Variants in DENND4C observed in about 807,000 individuals in gnomAD.
The protein encoded by DENND4C is DENN domain containing 4C.
DENND4C carries 108 observed loss-of-function variants against 203.0 expected under a neutral mutation model. The observed-to-expected ratio is 0.53, with a 90% CI of 0.46 to 0.62. DENND4C has a LOEUF of 0.62. Ranked by LOEUF, DENND4C falls within the 20% of genes least tolerant of loss-of-function variation. The pLI is 0.00. For synonymous variants in DENND4C, 871 were observed against 792.4 expected, an observed-to-expected ratio of 1.10 and a Z score of -1.67; for missense variants, 2,481 against 2,301.2, an observed-to-expected ratio of 1.08 and a Z score of -1.60.
In DENND4C at chr9:19,336,672, G is replaced by T. The variant is rs1166129845; in HGVS notation, c.2735-14G>T. 13 of 1,549,884 alleles carry T rather than the reference G, an allele frequency of 8.4e-6. No individual in the cohort carries two copies. In the South Asian group the frequency reaches 1.4e-4, roughly 17 times the overall value. On this transcript the variant is annotated splice_polypyrimidine_tract_variant and intron_variant, in intron 19 of 32. Transcript: ENST00000434457. ...ATGCATGAGTTATTGAACTGCTATT[G>T]TCCTTATCTTTAGCTCTTCAAAATG...
Position 19,346,869 on chromosome 9 carries a change from C to T in DENND4C, c.4100C>T (p.Thr1367Ile), listed in dbSNP as rs1823026300. The T allele has an allele frequency of 5.0e-6, 8 of 1,614,084 alleles. No homozygotes were observed. The South Asian group carries it at 8.8e-5, about 18-fold the overall frequency. The change falls in exon 23 of 33, where the codon ACT (threonine) becomes ATT (isoleucine). Residue 1367 changes from threonine to isoleucine, a missense_variant. Transcript: ENST00000434457. ...TTCAAGCAGCAAACCCCCTCTCGAA[C>T]TCATAAAGAACGTTCAACTTCTTTG... ...GRFKQQTPSR[T>I]HKERSTSLSA...
chr9:19,240,383 G>A (rs960315713), intron 1 of DENND4C, among the ~76,000 whole-genome samples: 4 of 152,122 alleles, frequency 2.6e-5, no homozygotes, highest in Non-Finnish European at 5.9e-5. Context: ...TAAAAGGGCC[G>A]GGAACCAGGC....
chr9:19,346,682 C>A lies in DENND4C; in HGVS notation c.3913C>A (p.His1305Asn), dbSNP rs746856185. 6.2e-7 allele frequency: 1 copy of A among 1,614,132 alleles called. No homozygotes were observed. Among genetic ancestry groups the A allele is most frequent in the Non-Finnish European group, 8.5e-7 (1 of 1,180,026 alleles). ...TAGTAAATCTTCTAGTATGGAATTA[C>A]ACAGAGAGGAAAACAGAGAGTCTGG... ...LGSKSSSMEL[H>N]REENRESGMT... The change falls in exon 23 of 33, where the codon CAC becomes AAC. Residue 1305 changes from histidine to asparagine, a missense_variant. Coordinates refer to ENST00000434457, the MANE Select transcript of DENND4C (RefSeq NM_001330640.2).
intron 1 of DENND4C, among the ~76,000 whole-genome samples, chr9:19,263,256 G>A (rs1829784787): frequency 6.6e-6 from 1 of 152,102 alleles, no homozygotes. Context: ...TTGTTTATTT[G>A]GAACTATCCT....
At chr9:19,231,404 T>G (rs1040049431) in intron 1 of DENND4C, among the ~76,000 whole-genome samples, 9 of 151,992 alleles carry the variant, frequency 5.9e-5, no homozygotes, top group Admixed American at 3.3e-4. Flanking sequence ...CCTCAGGGCT[T>G]CTTTGTCGGG....
intron 17 of DENND4C, among the ~76,000 whole-genome samples, chr9:19,332,863 G>C (rs1819579853): frequency 6.7e-6 from 1 of 149,430 alleles, no homozygotes; most frequent in Non-Finnish European, 1.5e-5. Context: ...GCCTCCCAAA[G>C]TGCAGGGATT....
At chr9:19,245,583 G>A (rs1287893325) in intron 1 of DENND4C, among the ~76,000 whole-genome samples, 8 of 151,768 alleles carry the variant, frequency 5.3e-5, no homozygotes, top group African/African-American at 1.5e-4. Flanking sequence ...TGGGCCGGGC[G>A]CGGTGGCTCA....
chr9:19,250,123 C>T (rs1826194161), intron 1 of DENND4C, among the ~76,000 whole-genome samples: 1 of 152,096 alleles, frequency 6.6e-6, no homozygotes, highest in South Asian at 2.1e-4. Flanking sequence ...TGTAGCAGGA[C>T]CTCCATCTCT....
At position 19,319,319 on chromosome 9, in the gene DENND4C, T is replaced by TATATATAC. The variant is rs1175236703; in HGVS notation, c.1807+2488_1807+2495dup. 2.2e-3 allele frequency among the ~76,000 whole-genome samples: 93 copies of TATATATAC among 42,432 alleles called. No homozygotes were observed. In the East Asian group the frequency reaches 0.28, roughly 127 times the overall value. The allele number at this position is 42,432 out of a possible 152,430, so 27.8% of individuals were successfully genotyped here. A position where few individuals can be genotyped will look rare whatever the true frequency, so the allele number is the denominator to read the frequency against. ...ATATATATACACATATATACACACA[T>TATATATAC]ATATATACATATATATACACATATA... On this transcript the variant is annotated intron_variant, in intron 12 of 32. Coordinates refer to ENST00000434457, the MANE Select transcript of DENND4C (RefSeq NM_001330640.2).
rs760996430 is a variant in DENND4C, at chr9:19,316,639, A to G, written c.1607A>G (p.Glu536Gly). 6.2e-7 allele frequency: 1 copy of G among 1,613,842 alleles called. No individual in the cohort carries two copies. The highest frequency in any genetic ancestry group is 8.5e-7 in the Non-Finnish European group (1 of 1,179,934). Residue 536 changes from glutamate (E) to glycine (G), a missense_variant, in exon 12 of 33, where the codon GAA becomes GGA. By Grantham distance (98) the Glu-to-Gly change is moderately conservative. Transcript: ENST00000434457. ...TTGTTAGTTCACCAAAAAACTCAAGAAGGCTCAGCGATTGACATGACTCCA... is the reference window on the plus strand; with the variant it reads ...TTGTTAGTTCACCAAAAAACTCAAGGAGGCTCAGCGATTGACATGACTCCA... ...QLSSVHQKTQ[E>G]GSAIDMTPIE...
chr9:19,290,843 A>C lies in DENND4C; in HGVS notation c.768A>C (p.Ser256=). 6.2e-7 allele frequency: 1 copy of C among 1,613,548 alleles called. No individual in the cohort carries two copies. Among genetic ancestry groups the C allele is most frequent in the Non-Finnish European group, 8.5e-7 (1 of 1,179,718 alleles). ...PETKYPLPVF[S]TFVLTGSSAK... is the part of the protein sequence containing the mutation. ...CCAAATATCCACTTCCAGTTTTTTC[A>C]ACTTTTGTCTTGACAGGTTCTTCAG... The change falls in exon 5 of 33, where the codon TCA becomes TCC. Residue 256 remains serine, a synonymous_variant. Coordinates refer to ENST00000434457, the MANE Select transcript of DENND4C (RefSeq NM_001330640.2).
intron 23 of DENND4C, among the ~76,000 whole-genome samples, chr9:19,350,164 C>T (rs1823754421): frequency 6.6e-6 from 1 of 152,184 alleles, no homozygotes; most frequent in South Asian, 2.1e-4. Flanking sequence ...TGTTTCTTGG[C>T]TCTAATATTG....
At chr9:19,347,579 A>G (rs532173345) in intron 23 of DENND4C, among the ~76,000 whole-genome samples, 13 of 152,334 alleles carry the variant, frequency 8.5e-5, no homozygotes, top group Admixed American at 8.5e-4. Flanking sequence ...CAGTTCTGGT[A>G]ACTTTGGTTT....
chr9:19,297,120 C>T (rs1381127829), intron 6 of DENND4C, among the ~76,000 whole-genome samples: 2 of 152,012 alleles, frequency 1.3e-5, no homozygotes, highest in East Asian at 1.9e-4. Flanking sequence ...ATTTATGTAT[C>T]CTGCTAACAA....
Position 19,326,180 on chromosome 9 carries a change from G to C in DENND4C, c.2106G>C (p.Leu702=), listed in dbSNP as rs747793768. The change falls in exon 15 of 33, where the codon CTG becomes CTC. Residue 702 remains leucine, a synonymous_variant. Coordinates refer to ENST00000434457, the MANE Select transcript of DENND4C (RefSeq NM_001330640.2). ...CACCTCCTGATGATGGAAAGGACCTGTCACCAAAGTACAGGTAGTAGGAAG... is the reference window on the plus strand; with the variant it reads ...CACCTCCTGATGATGGAAAGGACCTCTCACCAAAGTACAGGTAGTAGGAAG... ...PEPPPDDGKD[L]SPKYSYKYFP... 1 of 1,611,734 alleles carries C rather than the reference G, an allele frequency of 6.2e-7. No individual in the cohort carries two copies. The highest frequency in any genetic ancestry group is 1.3e-5 in the African/African-American group (1 of 74,820).
In DENND4C at chr9:19,336,003, C is replaced by T. The variant is rs565618026; in HGVS notation, c.2590-267C>T. Among the ~76,000 whole-genome samples, 122 of 151,818 alleles carry T rather than the reference C, an allele frequency of 8.0e-4. 1 individual carries two copies. Among genetic ancestry groups the T allele is most frequent in the Non-Finnish European group, 8.0e-4 (54 of 67,918 alleles). On this transcript the variant is annotated intron_variant, in intron 18 of 32. Transcript: ENST00000434457. ...TTTCCACCAAGACTGTGTAGGGGTTCTTTTGTCCACATCCTTAATCAACAT... is the reference window on the plus strand; with the variant it reads ...TTTCCACCAAGACTGTGTAGGGGTTTTTTTGTCCACATCCTTAATCAACAT...
At chr9:19,325,652 T>C (rs914169119) in intron 13 of DENND4C, among the ~76,000 whole-genome samples, 1 of 152,206 alleles carries the variant, frequency 6.6e-6, no homozygotes, top group Admixed American at 6.5e-5. Flanking sequence ...GGCTTAATAA[T>C]AATGAAATTT....
chr9:19,291,795 C>A (rs987079971), intron 5 of DENND4C, among the ~76,000 whole-genome samples: 12 of 149,988 alleles, frequency 8.0e-5, no homozygotes, highest in Non-Finnish European at 1.5e-4. Context: ...GTGGTACATA[C>A]AAATGTAAAA....
intron 1 of DENND4C, among the ~76,000 whole-genome samples, chr9:19,244,810 C>G (rs542581502): frequency 6.6e-6 from 1 of 151,792 alleles, no homozygotes; most frequent in Non-Finnish European, 1.5e-5. Flanking sequence ...TAACCTGGGA[C>G]TCTTAATTCA....
Sources: gnomAD v4.1 joint callset for allele counts (sites outside exome capture counted in the v4.1 genomes callset) on GRCh38, gnomAD v4.1.1 for gene constraint, MANE v1.5 for transcripts, NCBI Gene and HGNC (gene_info 2026-07-23, HGNC 2026-07-21) for gene names.